CYP2U1: variants seen among roughly 807,000 people sequenced by gnomAD.
CYP2U1 encodes cytochrome P450 2U1.
A neutral mutation model predicts 42.8 loss-of-function variants in CYP2U1; 28 were observed. The observed-to-expected ratio is 0.65, with a 90% CI of 0.48 to 0.90. The LOEUF (loss-of-function observed/expected upper bound fraction) is 0.90. CYP2U1 is among the 40% of genes least tolerant of loss of function. The pLI, the probability that CYP2U1 is intolerant of heterozygous loss-of-function variation, is 0.00. For missense variants in CYP2U1, 642 were observed against 693.8 expected (o/e 0.93, Z 0.84); for synonymous variants, 296 against 278.9 (o/e 1.06, Z -0.61).
chr4:107,941,921 C>T (rs767822644), intron 1 of CYP2U1, among the ~76,000 whole-genome samples: 1 of 152,130 alleles, frequency 6.6e-6, no homozygotes, highest in African/African-American at 2.4e-5. Flanking sequence ...ACTTATAAGC[C>T]ATTGTCATTC....
chr4:107,947,402 G>C lies in CYP2U1; in HGVS notation c.1153G>C (p.Val385Leu). 1 of 1,614,100 alleles carries C rather than the reference G, an allele frequency of 6.2e-7. No homozygotes were observed. Residue 385 changes from valine to leucine, a missense_variant, in exon 3 of 5, where the codon GTC becomes CTC. Coordinates refer to ENST00000332884, the MANE Select transcript of CYP2U1 (RefSeq NM_183075.3). ...QEKVHEEIER[V>L]IGANRAPSLT... ...AAAGGTTCATGAAGAAATTGAAAGA[G>C]TCATTGGCGCCAACCGAGCTCCTTC...
rs773918253 is a variant in CYP2U1, at chr4:107,947,433, C to T, written c.1184C>T (p.Thr395Ile). 40 of 1,614,160 alleles carry T rather than the reference C, an allele frequency of 2.5e-5. No individual in the cohort carries two copies. The South Asian group carries it at 4.2e-4, about 17-fold the overall frequency. ...GGCGCCAACCGAGCTCCTTCCCTCA[C>T]AGACAAGGCCCAGATGCCCTACACA... Reference protein sequence around the residue: ...VIGANRAPSLTDKAQMPYTEA... With the variant: ...VIGANRAPSLIDKAQMPYTEA... The change falls in exon 3 of 5, where the codon ACA (threonine) becomes ATA (isoleucine). Residue 395 changes from threonine (T) to isoleucine (I), a missense_variant. Transcript: ENST00000332884.
At position 107,947,344 on chromosome 4, in the gene CYP2U1, A is replaced by G. The variant is rs188287034; in HGVS notation, c.1127-32A>G. ...GCACGTTCGACTCTGTCCCATGCTTATCTTCTGGTTTATTTTTCCCTTTTT... is the reference window on the plus strand; with the variant it reads ...GCACGTTCGACTCTGTCCCATGCTTGTCTTCTGGTTTATTTTTCCCTTTTT... On this transcript the variant is annotated intron_variant, in intron 2 of 4. Transcript: ENST00000332884. 368 of 1,609,246 alleles carry G rather than the reference A, an allele frequency of 2.3e-4. 2 individuals carry two copies. In the Middle Eastern group the frequency reaches 2.7e-3, roughly 12 times the overall value.
intron 3 of CYP2U1, among the ~76,000 whole-genome samples, chr4:107,948,504 T>C (rs1733790740): frequency 6.6e-6 from 1 of 151,992 alleles, no homozygotes; most frequent in South Asian, 2.1e-4. Flanking sequence ...GAGGCAGAGG[T>C]TGCGGTGAGC....
intron 2 of CYP2U1, 57 bp from the exon 3 acceptor site, chr4:107,947,319 G>T: frequency 6.6e-7 from 1 of 1,505,708 alleles, no homozygotes; most frequent in Admixed American, 1.7e-5. Context: ...GCAGAGGAGG[G>T]CACGTTCGAC....
chr4:107,942,291 A>G (rs1346099190), intron 1 of CYP2U1, among the ~76,000 whole-genome samples: 1 of 152,060 alleles, frequency 6.6e-6, no homozygotes, highest in African/African-American at 2.4e-5. Context: ...TCCTCCACCC[A>G]CTGTCTGCAC....
chr4:107,945,174 T>C lies in CYP2U1; in HGVS notation c.695T>C (p.Ile232Thr). Residue 232 changes from isoleucine to threonine, a missense_variant, in exon 2 of 5, where the codon ATT becomes ACT. By Grantham distance (89) the Ile-to-Thr change is moderately conservative. Coordinates refer to ENST00000332884, the MANE Select transcript of CYP2U1 (RefSeq NM_183075.3). Reference protein sequence around the residue: ...SIISNAVSNIICSLCFGQRFD... With the variant: ...SIISNAVSNITCSLCFGQRFD... The stretch of plus-strand genomic sequence containing the variant: ...ATCAGCAATGCCGTCTCTAACATCA[T>C]TTGCTCCTTGTGCTTTGGCCAGCGC... 1 of 1,614,040 alleles carries C rather than the reference T, an allele frequency of 6.2e-7. No individual in the cohort carries two copies. Among genetic ancestry groups the C allele is most frequent in the Non-Finnish European group, 8.5e-7 (1 of 1,180,010 alleles).
At position 107,945,357 on chromosome 4, in the gene CYP2U1, AT is replaced by A; in HGVS notation, c.879del (p.Asp293GlufsTer2). On this transcript the variant is annotated frameshift_variant, in exon 2 of 5. Transcript: ENST00000332884. LOFTEE classifies it high-confidence loss of function. Reference protein sequence around the residue: ...PFKELRQIEKDITSFLKKIIK... With the variant: ...PFKELRQIEKXITSFLKKIIK... ...AAGGAATTAAGACAAATTGAAAAGG[AT>A]ATAACCAGTTTCCTTAAAAAAATCA... The A allele has an allele frequency of 6.2e-7, 1 of 1,614,132 alleles. No homozygotes were observed. Among genetic ancestry groups the A allele is most frequent in the South Asian group, 1.1e-5 (1 of 91,082 alleles).
chr4:107,935,015 T>A (rs1199805600), intron 1 of CYP2U1, among the ~76,000 whole-genome samples: 6 of 152,262 alleles, frequency 3.9e-5, no homozygotes, highest in Admixed American at 3.9e-4. Flanking sequence ...TATCCCTACT[T>A]CTTGGCACAG....
Position 107,945,374 on chromosome 4 carries a change from A to G in CYP2U1, c.895A>G (p.Lys299Glu). The change falls in exon 2 of 5, where the codon AAA (lysine) becomes GAA (glutamate). Residue 299 changes from lysine (K) to glutamate (E), a missense_variant. Coordinates refer to ENST00000332884, the MANE Select transcript of CYP2U1 (RefSeq NM_183075.3). ...QIEKDITSFLKKIIKDHQESL... is the reference protein window; with the variant it reads ...QIEKDITSFLEKIIKDHQESL... ...TGAAAAGGATATAACCAGTTTCCTT[A>G]AAAAAATCATCAAAGACCATCAAGA... The G allele has an allele frequency of 1.2e-6, 2 of 1,614,088 alleles. No individual in the cohort carries two copies. Among genetic ancestry groups the G allele is most frequent in the Non-Finnish European group, 1.7e-6 (2 of 1,180,012 alleles).
At chr4:107,949,238 C>T in intron 3 of CYP2U1, 112 bp from the exon 4 acceptor site, 4 of 1,059,288 alleles carry the variant, frequency 3.8e-6, no homozygotes, top group Non-Finnish European at 5.1e-6. Flanking sequence ...TTGGTCTCAG[C>T]CAATTAAAGT....
In CYP2U1 at chr4:107,945,129, C is replaced by G. The variant is rs1455388019; in HGVS notation, c.650C>G (p.Pro217Arg). Reference protein sequence around the residue: ...KAEMQKHGEDPFCPFSIISNA... With the variant: ...KAEMQKHGEDRFCPFSIISNA... Reference sequence around the variant, plus strand: ...GAAATGCAAAAGCACGGAGAAGACCCCTTCTGCCCTTTCTCCATCATCAGC... The same window carrying G: ...GAAATGCAAAAGCACGGAGAAGACCGCTTCTGCCCTTTCTCCATCATCAGC... Residue 217 changes from proline (P) to arginine (R), a missense_variant, in exon 2 of 5, where the codon CCC becomes CGC. By Grantham distance (103) the Pro-to-Arg change is moderately radical. Transcript: ENST00000332884. The G allele has an allele frequency of 1.2e-6, 2 of 1,613,864 alleles. No individual in the cohort carries two copies. Among genetic ancestry groups the G allele is most frequent in the Non-Finnish European group, 1.7e-6 (2 of 1,179,990 alleles).
At position 107,931,605 on chromosome 4, in the gene CYP2U1, A is replaced by G. The variant is rs989411465; in HGVS notation, c.-39A>G. ...AGGCAGCTGCGTGCGCGTCTCCTCC[A>G]GGCAGCAAGGGGAACCCGAGGCCGC... On this transcript the variant is annotated 5_prime_UTR_variant, in exon 1 of 5. Coordinates refer to ENST00000332884, the MANE Select transcript of CYP2U1 (RefSeq NM_183075.3). 1 of 1,245,684 alleles carries G rather than the reference A, an allele frequency of 8.0e-7. No homozygotes were observed. Among genetic ancestry groups the G allele is most frequent in the African/African-American group, 1.5e-5 (1 of 64,644 alleles). The allele number at this position is 1,245,684 out of a possible 1,614,324, so 77.2% of individuals were successfully genotyped here.
In CYP2U1 at chr4:107,934,814, C is replaced by T. The variant is rs148198779; in HGVS notation, c.490+2681C>T. 6.3e-3 allele frequency among the ~76,000 whole-genome samples: 958 copies of T among 152,338 alleles called. 5 individuals carry two copies. Among genetic ancestry groups the T allele is most frequent in the Admixed American group, 8.4e-3 (129 of 15,304 alleles). Reference sequence around the variant, plus strand: ...TCTTACTTGACTGATTGCTTGTCATCCCTCAGGCCTCTCAGGCCAATTGTT... The same window carrying T: ...TCTTACTTGACTGATTGCTTGTCATTCCTCAGGCCTCTCAGGCCAATTGTT... On this transcript the variant is annotated intron_variant, in intron 1 of 4. Coordinates refer to ENST00000332884, the MANE Select transcript of CYP2U1 (RefSeq NM_183075.3).
In CYP2U1 at chr4:107,949,352, C is replaced by T. The variant is rs758463289; in HGVS notation, c.1291C>T (p.Leu431Phe). ...CCATATGTTTCCTTTTGTTTTAGTG[C>T]TCCAAGGGTATACCATTCCTAAAGG... The part of the protein sequence containing the change: ...IPHMTSENTV[L>F]QGYTIPKGTL... The change falls in exon 4 of 5, where the codon CTC (leucine) becomes TTC (phenylalanine). Residue 431 changes from leucine (L) to phenylalanine (F), a missense_variant and splice_region_variant. Coordinates refer to ENST00000332884, the MANE Select transcript of CYP2U1 (RefSeq NM_183075.3). 1.3e-6 allele frequency: 2 copies of T among 1,524,184 alleles called. No homozygotes were observed. The highest frequency in any genetic ancestry group is 4.7e-5 in the East Asian group (2 of 42,352). 94.4% of individuals were successfully genotyped at this position (1,524,184 alleles called of 1,614,324 possible). A position where few individuals can be genotyped will look rare whatever the true frequency, so the allele number is the denominator to read the frequency against.
chr4:107,938,452 C>G (rs906803259), intron 1 of CYP2U1: 1 of 152,220 alleles, frequency 6.6e-6, no homozygotes, highest in African/African-American at 2.4e-5. Flanking sequence ...AAATAGAGGG[C>G]TTTTCCTTTT....
chr4:107,944,967 C>A lies in CYP2U1; in HGVS notation c.491-3C>A, dbSNP rs761487133. ...ATCTTCCTTTCTTGGTGTCCCTTTG[C>A]AGGGGTTGTGTTTGCACATTATGGT... On this transcript the variant is annotated splice_region_variant and splice_polypyrimidine_tract_variant and intron_variant, in intron 1 of 4. Transcript: ENST00000332884. 1.9e-6 allele frequency: 3 copies of A among 1,600,892 alleles called. No homozygotes were observed. The South Asian group carries it at 3.4e-5, about 18-fold the overall frequency.
At chr4:107,944,126 T>G (rs1166959725) in intron 1 of CYP2U1, among the ~76,000 whole-genome samples, 11 of 152,170 alleles carry the variant, frequency 7.2e-5, no homozygotes, top group Non-Finnish European at 1.6e-4. Context: ...AGCTAATATT[T>G]AACAACCTCT....
At chr4:107,934,158 T>G (rs1299276925) in intron 1 of CYP2U1, among the ~76,000 whole-genome samples, 1 of 144,728 alleles carries the variant, frequency 6.9e-6, no homozygotes, top group Non-Finnish European at 1.5e-5. Flanking sequence ...TTTCTCCACG[T>G]CCTCACCAAC....
Sources: gnomAD v4.1 joint callset for allele counts (sites outside exome capture counted in the v4.1 genomes callset) on GRCh38, gnomAD v4.1.1 for gene constraint, MANE v1.5 for transcripts, NCBI Gene and HGNC (gene_info 2026-07-23, HGNC 2026-07-21) for gene names.